Variants in GLIS3 observed in about 807,000 individuals in gnomAD.
The protein encoded by GLIS3 is GLIS family zinc finger 3.
A neutral mutation model predicts 78.6 loss-of-function variants in GLIS3; 53 were observed. The observed-to-expected ratio is 0.67, with a 90% CI of 0.54 to 0.85. The LOEUF is 0.85. GLIS3 is among the 40% of genes least tolerant of loss of function. The probability of loss-of-function intolerance (pLI) is 0.00; values close to 1 mark genes in which losing one functional copy is unlikely to be tolerated. For missense variants in GLIS3, 1,703 were observed against 1,231.1 expected, an observed-to-expected ratio of 1.38 and a Z score of -5.74; for synonymous variants, 684 against 509.9, an observed-to-expected ratio of 1.34 and a Z score of -4.60.
At chr9:4,059,841 A>T (rs1334375220) in intron 4 of GLIS3, among the ~76,000 whole-genome samples, 113 of 103,810 alleles carry the variant, frequency 1.1e-3, no homozygotes, top group South Asian at 5.4e-3. Context: ...AGAGAGAGAG[A>T]GAGAGAGAGA....
At chr9:4,243,796 C>A (rs910365002) in intron 2 of GLIS3, among the ~76,000 whole-genome samples, 25 of 152,118 alleles carry the variant, frequency 1.6e-4, no homozygotes, top group Non-Finnish European at 2.9e-4. Flanking sequence ...AAACAGCTGT[C>A]GAGTTTGTAA....
At chr9:4,092,195 A>C (rs1829574598) in intron 4 of GLIS3, among the ~76,000 whole-genome samples, 1 of 147,546 alleles carries the variant, frequency 6.8e-6, no homozygotes, top group Admixed American at 6.9e-5. Context: ...TCTGTTGCTC[A>C]GACTGGAGTG....
At chr9:3,945,500 C>G (rs1013105004) in intron 4 of GLIS3, among the ~76,000 whole-genome samples, 5 of 152,104 alleles carry the variant, frequency 3.3e-5, no homozygotes, top group African/African-American at 9.7e-5. Flanking sequence ...TTTCATCTTA[C>G]CTTTCCTGCA....
chr9:3,894,670 A>G (rs1822698019), intron 7 of GLIS3, among the ~76,000 whole-genome samples: 1 of 152,132 alleles, frequency 6.6e-6, no homozygotes, highest in Admixed American at 6.5e-5. Flanking sequence ...TGCTCCAAAA[A>G]AAGTATTTTT....
intron 4 of GLIS3, among the ~76,000 whole-genome samples, chr9:4,091,899 C>A (rs1216678030): frequency 6.6e-6 from 1 of 151,888 alleles, no homozygotes; most frequent in Non-Finnish European, 1.5e-5. Context: ...TATCCAAACA[C>A]AGAAAAGGTA....
chr9:4,171,061 C>T (rs994555285), intron 2 of GLIS3, among the ~76,000 whole-genome samples: 3 of 152,064 alleles, frequency 2.0e-5, no homozygotes, highest in African/African-American at 7.2e-5. Context: ...TATTGCCACC[C>T]ACATATATGG....
At chr9:4,148,549 T>C (rs1219458561) in intron 2 of GLIS3, among the ~76,000 whole-genome samples, 1 of 152,072 alleles carries the variant, frequency 6.6e-6, no homozygotes, top group Admixed American at 6.6e-5. Flanking sequence ...CATGTATCTA[T>C]ATCTCACCTT....
chr9:3,969,201 A>G (rs1196103321), intron 4 of GLIS3, among the ~76,000 whole-genome samples: 1 of 152,216 alleles, frequency 6.6e-6, no homozygotes, highest in Non-Finnish European at 1.5e-5. Context: ...AAGAAGGTAA[A>G]ACAGACGATT....
Position 3,855,998 on chromosome 9 carries a change from T to G in GLIS3, c.2473+11A>C. The G allele has an allele frequency of 6.2e-7, 1 of 1,614,104 alleles. No individual in the cohort carries two copies. The highest frequency in any genetic ancestry group is 8.5e-7 in the Non-Finnish European group (1 of 1,179,950). On this transcript the variant is annotated intron_variant, in intron 9 of 10. Transcript: ENST00000381971. ...TTTCAAAACTCAAGGGACTGCCAGC[T>G]TCTTGCTTACCATGGACATGGATAC... is the stretch of plus-strand genomic sequence containing the variant.
chr9:3,880,067 A>C (rs1821626419), intron 7 of GLIS3, among the ~76,000 whole-genome samples: 1 of 152,112 alleles, frequency 6.6e-6, no homozygotes, highest in South Asian at 2.1e-4. Context: ...TGTCACTGCT[A>C]AATCAATGTA....
the GLIS3 span, among the ~76,000 whole-genome samples, chr9:4,389,740 C>T: frequency 8.4e-3 from 1,277 of 152,318 alleles, 16 homozygotes; most frequent in African/African-American, 0.029. Flanking sequence ...CGCATACAGA[C>T]ATACAGGTGC....
At chr9:4,262,016 C>G (rs1427167997) in intron 2 of GLIS3, among the ~76,000 whole-genome samples, 1 of 152,104 alleles carries the variant, frequency 6.6e-6, no homozygotes, top group Non-Finnish European at 1.5e-5. Flanking sequence ...TTGTCTAGTG[C>G]TTAGAACATA....
At chr9:4,394,519 A>C in the GLIS3 span, among the ~76,000 whole-genome samples, 1 of 152,076 alleles carries the variant, frequency 6.6e-6, no homozygotes, top group Admixed American at 6.5e-5. Context: ...TGTAACTGTC[A>C]AGCTTTAATT....
intron 4 of GLIS3, among the ~76,000 whole-genome samples, chr9:4,050,441 C>T (rs1337482687): frequency 1.3e-5 from 2 of 151,942 alleles, no homozygotes; most frequent in African/African-American, 2.4e-5. Context: ...ACACCAGGGC[C>T]TGTTGGTGGG....
the GLIS3 span, among the ~76,000 whole-genome samples, chr9:4,455,392 T>A: frequency 1.3e-5 from 2 of 152,226 alleles, no homozygotes; most frequent in South Asian, 4.2e-4. Context: ...GGCTGCAACC[T>A]CCAAGAAGAG....
chr9:4,262,848 GT>G (rs775729213), intron 2 of GLIS3, among the ~76,000 whole-genome samples: 1 of 148,658 alleles, frequency 6.7e-6, no homozygotes, highest in Non-Finnish European at 1.5e-5. Context: ...AAGGAATGTA[GT>G]GATCTAGTGT....
At chr9:4,247,617 A>C (rs1823918477) in intron 2 of GLIS3, among the ~76,000 whole-genome samples, 1 of 152,164 alleles carries the variant, frequency 6.6e-6, no homozygotes, top group Admixed American at 6.6e-5. Context: ...TCACCATTAC[A>C]ATTTACCATT....
At chr9:4,380,042 T>C in the GLIS3 span, among the ~76,000 whole-genome samples, 1 of 152,192 alleles carries the variant, frequency 6.6e-6, no homozygotes, top group African/African-American at 2.4e-5. Context: ...TCACCTACTC[T>C]TTCTGAGTCT....
chr9:4,339,714 G>A (rs570479150), intron 2 of GLIS3, among the ~76,000 whole-genome samples: 1 of 120,718 alleles, frequency 8.3e-6, no homozygotes, highest in African/African-American at 3.3e-5. Context: ...ACAATGCAAT[G>A]ATGGGATTTG....
Sources: allele counts gnomAD v4.1 joint callset (sites outside exome capture counted in the v4.1 genomes callset), GRCh38; gene constraint gnomAD v4.1.1; transcripts MANE v1.5; gene names NCBI Gene and HGNC (gene_info 2026-07-23, HGNC 2026-07-21).